EARS2: variants seen among roughly 807,000 people sequenced by gnomAD.
The protein encoded by EARS2 is glutamyl-tRNA synthetase 2, mitochondrial, also known as nondiscriminating glutamyl-tRNA synthetase EARS2, mitochondrial.
In EARS2, 50 loss-of-function variants were observed where a neutral mutation model predicts 54.1. The ratio of observed to expected loss-of-function variants is 0.92; its 90% CI spans 0.74 to 1.17. The LOEUF (loss-of-function observed/expected upper bound fraction) is 1.17. Among genes scored for constraint, EARS2 ranks in the 50% most tolerant of loss-of-function variants. The pLI is 0.00. For missense variants in EARS2, 673 were observed against 675.0 expected, an observed-to-expected ratio of 1.00 and a Z score of 0.03; for synonymous variants, 298 against 281.0, an observed-to-expected ratio of 1.06 and a Z score of -0.61.
At position 23,524,188 on chromosome 16, in the gene EARS2, C is replaced by G. The variant is rs769364311; in HGVS notation, c.*183G>C. On this transcript the variant is annotated 3_prime_UTR_variant, in exon 9 of 9. Transcript: ENST00000449606. ...GTTAGATGGGTTGGGCTTCCCCAGCCAATTGACAAAAACGTGCCTGTGGTG... is the reference window on the plus strand; with the variant it reads ...GTTAGATGGGTTGGGCTTCCCCAGCGAATTGACAAAAACGTGCCTGTGGTG... The G allele has an allele frequency of 3.1e-6, 2 of 638,324 alleles. No homozygotes were observed. The highest frequency in any genetic ancestry group is 5.6e-6 in the Non-Finnish European group (2 of 358,554). 39.5% of individuals were successfully genotyped at this position (638,324 alleles called of 1,614,324 possible).
intron 7 of EARS2, among the ~76,000 whole-genome samples, chr16:23,528,623 A>G (rs1015396371): frequency 3.9e-5 from 6 of 152,264 alleles, no homozygotes; most frequent in Non-Finnish European, 8.8e-5. Flanking sequence ...GGCCCTGGCC[A>G]GGCACTATGG....
chr16:23,524,344 A>G lies in EARS2; in HGVS notation c.*27T>C, dbSNP rs1597004745. Reference sequence around the variant, plus strand: ...TCTAAGCTCACAGGTTCTTAGGGCGATCTCCACTGCCCGAAACATCCTCTC... The same window carrying G: ...TCTAAGCTCACAGGTTCTTAGGGCGGTCTCCACTGCCCGAAACATCCTCTC... On this transcript the variant is annotated 3_prime_UTR_variant, in exon 9 of 9. Coordinates refer to ENST00000449606, the MANE Select transcript of EARS2 (RefSeq NM_001083614.2). 6.3e-7 allele frequency: 1 copy of G among 1,597,092 alleles called. No homozygotes were observed. The highest frequency in any genetic ancestry group is 2.2e-5 in the East Asian group (1 of 44,802).
chr16:23,525,312 C>A lies in EARS2; in HGVS notation c.1420G>T (p.Glu474Ter). The A allele has an allele frequency of 6.2e-7, 1 of 1,614,134 alleles. No individual in the cohort carries two copies. The highest frequency in any genetic ancestry group is 8.5e-7 in the Non-Finnish European group (1 of 1,180,024). Residue 474 changes from glutamate (E) to a stop codon, truncating the protein, a stop_gained, in exon 8 of 9, where the codon GAA becomes TAA. Coordinates refer to ENST00000449606, the MANE Select transcript of EARS2 (RefSeq NM_001083614.2). LOFTEE classifies it high-confidence loss of function. ...CTGTACTTGGTGCCTTCCAGACCTT[C>A]TGATAGCTTCTTCAGTTCTCCATTC... ...MLNGELKKLS[E>*]GLEGTKYSNV...
intron 5 of EARS2, among the ~76,000 whole-genome samples, chr16:23,531,789 G>A (rs1235952662): frequency 6.6e-6 from 1 of 152,194 alleles, no homozygotes; most frequent in African/African-American, 2.4e-5. Context: ...CACCCCAGGT[G>A]CACACCTGGC....
chr16:23,543,009 G>T (rs556571306), intron 3 of EARS2, among the ~76,000 whole-genome samples: 1 of 151,590 alleles, frequency 6.6e-6, no homozygotes, highest in South Asian at 2.1e-4. Flanking sequence ...CAGCTACACA[G>T]GAGGCTGAGG....
chr16:23,524,579 C>A, intron 8 of EARS2, 125 bp from the exon 9 acceptor site: 1 of 801,384 alleles, frequency 1.2e-6, no homozygotes, highest in Non-Finnish European at 2.1e-6. Flanking sequence ...TTCTGAGGAT[C>A]AGTGCTTGTG....
In EARS2 at chr16:23,532,490, T is replaced by C. The variant is rs571831243; in HGVS notation, c.1067+167A>G. Reference sequence around the variant, plus strand: ...AACAAGGATATAAGATCAGTACTGTTATTAATCCCATTTTAGAGAAGAGAA... The same window carrying C: ...AACAAGGATATAAGATCAGTACTGTCATTAATCCCATTTTAGAGAAGAGAA... On this transcript the variant is annotated intron_variant, in intron 5 of 8. Coordinates refer to ENST00000449606, the MANE Select transcript of EARS2 (RefSeq NM_001083614.2). 2.0e-5 allele frequency: 11 copies of C among 550,116 alleles called. No homozygotes were observed. The East Asian group carries it at 3.1e-4, about 16-fold the overall frequency. The allele number at this position is 550,116 out of a possible 1,614,324, so 34.1% of individuals were successfully genotyped here. A position where few individuals can be genotyped will look rare whatever the true frequency, so the allele number is the denominator to read the frequency against.
Position 23,538,347 on chromosome 16 carries a change from C to T in EARS2, c.486-2987G>A, listed in dbSNP as rs1965459185. Among the ~76,000 whole-genome samples, 4 of 151,828 alleles carry T rather than the reference C, an allele frequency of 2.6e-5. No homozygotes were observed. The South Asian group carries it at 8.3e-4, about 32-fold the overall frequency. On this transcript the variant is annotated intron_variant, in intron 3 of 8. Transcript: ENST00000449606. ...AGAGATGGGGTTTCACCACGTTGGCCAAGCTGGTCTCGAATTCCTGACCTC... is the reference window on the plus strand; with the variant it reads ...AGAGATGGGGTTTCACCACGTTGGCTAAGCTGGTCTCGAATTCCTGACCTC...
intron 7 of EARS2, among the ~76,000 whole-genome samples, chr16:23,526,928 T>G (rs904256709): frequency 6.6e-6 from 1 of 152,012 alleles, no homozygotes; most frequent in Non-Finnish European, 1.5e-5. Context: ...TATATTTCAC[T>G]GCAACTTTCC....
At position 23,524,400 on chromosome 16, in the gene EARS2, C is replaced by T; in HGVS notation, c.1543G>A (p.Glu515Lys). Residue 515 changes from glutamate (E) to lysine (K), a missense_variant, in exon 9 of 9, where the codon GAA becomes AAA. Glu to Lys is a moderately conservative substitution (Grantham distance 56). Transcript: ENST00000449606. ...CTGGAAACCACCTTCTGGATCCGTT[C>T]CCGTACTTCCTTTGGTCCCAAGGCC... is the stretch of plus-strand genomic sequence containing the variant. ...MLALGPKEVRERIQKVVSS is the reference protein window; with the variant it reads ...MLALGPKEVRKRIQKVVSS 2 of 1,614,180 alleles carry T rather than the reference C, an allele frequency of 1.2e-6. No individual in the cohort carries two copies. The highest frequency in any genetic ancestry group is 1.7e-6 in the Non-Finnish European group (2 of 1,180,020).
In EARS2 at chr16:23,523,050, T is replaced by C. The variant is rs1597003823; in HGVS notation, c.*1321A>G. On this transcript the variant is annotated 3_prime_UTR_variant, in exon 9 of 9. Coordinates refer to ENST00000449606, the MANE Select transcript of EARS2 (RefSeq NM_001083614.2). ...CAGAAGCCACGATGTATTTTATGAC[T>C]TACCCTCAGAAGTCAAACTCTCATT... is the stretch of plus-strand genomic sequence containing the variant. 2.0e-5 allele frequency: 3 copies of C among 152,362 alleles called. No individual in the cohort carries two copies. The highest frequency in any genetic ancestry group is 4.1e-4 in the South Asian group (2 of 4,832). 9.4% of individuals were successfully genotyped at this position (152,362 alleles called of 1,614,324 possible). A position where few individuals can be genotyped will look rare whatever the true frequency, so the allele number is the denominator to read the frequency against.
intron 7 of EARS2, among the ~76,000 whole-genome samples, chr16:23,528,716 C>A (rs1265736855): frequency 6.6e-6 from 1 of 152,198 alleles, no homozygotes; most frequent in Non-Finnish European, 1.5e-5. Context: ...GCCTGGGCAA[C>A]ATGGCAAGAC....
At chr16:23,538,709 A>G (rs1462126312) in intron 3 of EARS2, among the ~76,000 whole-genome samples, 1 of 152,002 alleles carries the variant, frequency 6.6e-6, no homozygotes, top group East Asian at 1.9e-4. Flanking sequence ...AGAAAAAAAA[A>G]GAATTAGCCG....
intron 3 of EARS2, 107 bp downstream of exon 3, chr16:23,544,407 C>T (rs1234915130): frequency 8.4e-7 from 1 of 1,187,880 alleles, no homozygotes; most frequent in African/African-American, 1.5e-5. Context: ...ATGCCTGACC[C>T]ACAGAAACTG....
chr16:23,536,491 T>C (rs112690426), intron 3 of EARS2, among the ~76,000 whole-genome samples: 2,228 of 151,824 alleles, frequency 0.015, 22 homozygotes, highest in South Asian at 0.02. Flanking sequence ...ACTCTGTCTC[T>C]ACAAAACAAA....
chr16:23,548,127 G>A (rs141013250), intron 2 of EARS2, among the ~76,000 whole-genome samples: 1,735 of 151,738 alleles, frequency 0.011, 22 homozygotes, highest in Non-Finnish European at 0.015. Context: ...CCAGCTACTC[G>A]GGAGGCTGAG....
rs1251063182 is a variant in EARS2, at chr16:23,523,531, T to C, written c.*840A>G. The C allele has an allele frequency of 1.3e-5, 2 of 152,234 alleles. No individual in the cohort carries two copies. The highest frequency in any genetic ancestry group is 1.3e-4 in the Admixed American group (2 of 15,286). 9.4% of individuals were successfully genotyped at this position (152,234 alleles called of 1,614,324 possible). ...CTTACCCTTGGCAGTGGAGTCACAC[T>C]TCTCCTTTTACAACCCCAAAGAAAG... On this transcript the variant is annotated 3_prime_UTR_variant, in exon 9 of 9. Coordinates refer to ENST00000449606, the MANE Select transcript of EARS2 (RefSeq NM_001083614.2).
At chr16:23,539,872 G>A (rs975338665) in intron 3 of EARS2, among the ~76,000 whole-genome samples, 2 of 151,864 alleles carry the variant, frequency 1.3e-5, no homozygotes, top group South Asian at 2.1e-4. Context: ...TGTGCCAGCC[G>A]GGCATGATGG....
chr16:23,549,510 T>C (rs1227029670), intron 2 of EARS2, among the ~76,000 whole-genome samples: 1 of 152,108 alleles, frequency 6.6e-6, no homozygotes, highest in East Asian at 1.9e-4. Flanking sequence ...CTGAAGGAAT[T>C]CTGTAACATG....
Sources: gnomAD v4.1 joint callset for allele counts (sites outside exome capture counted in the v4.1 genomes callset) on GRCh38, gnomAD v4.1.1 for gene constraint, MANE v1.5 for transcripts, NCBI Gene and HGNC (gene_info 2026-07-23, HGNC 2026-07-21) for gene names.